The following TRERF1 variants were observed in gnomAD, a reference collection of about 807,000 sequenced individuals.
The protein encoded by TRERF1 is transcriptional-regulating factor 1.
A neutral mutation model predicts 122.9 loss-of-function variants in TRERF1; 27 were observed. The observed-to-expected ratio is 0.22, with a 90% confidence interval of 0.16 to 0.30. The LOEUF (loss-of-function observed/expected upper bound fraction) is 0.30, where lower values mean the gene tolerates loss of function less well. Ranked by LOEUF, TRERF1 falls within the 10% of genes least tolerant of loss-of-function variation. The pLI, the probability that TRERF1 is intolerant of heterozygous loss-of-function variation, is 1.00. For synonymous variants in TRERF1, 636 were observed against 641.7 expected, an observed-to-expected ratio of 0.99 and a Z score of 0.13; for missense variants, 1,248 against 1,560.3, an observed-to-expected ratio of 0.80 and a Z score of 3.37.
chr6:42,265,544 C>T (rs1028190065), intron 6 of TRERF1, among the ~76,000 whole-genome samples: 5 of 152,142 alleles, frequency 3.3e-5, no homozygotes, highest in Admixed American at 6.5e-5. Flanking sequence ...ATAGGCACAT[C>T]GTAATCACAC....
intron 3 of TRERF1, among the ~76,000 whole-genome samples, chr6:42,316,846 T>C (rs1321224240): frequency 1.3e-5 from 2 of 152,164 alleles, no homozygotes; most frequent in Non-Finnish European, 2.9e-5. Context: ...AGCTTGCCTT[T>C]TTATAATCCC....
intron 2 of TRERF1, among the ~76,000 whole-genome samples, chr6:42,363,810 G>A (rs150322447): frequency 8.5e-5 from 13 of 152,258 alleles, no homozygotes; most frequent in Admixed American, 2.6e-4. Flanking sequence ...AAAGGAGCCC[G>A]AAACAGACCC....
chr6:42,257,902 G>A (rs552166977), intron 10 of TRERF1, among the ~76,000 whole-genome samples: 5 of 152,334 alleles, frequency 3.3e-5, no homozygotes, highest in Middle Eastern at 3.4e-3. Context: ...ACGCAGGGAC[G>A]CTAGGCTCTC....
chr6:42,438,000 C>T (rs1192851978), intron 2 of TRERF1, among the ~76,000 whole-genome samples: 1 of 151,988 alleles, frequency 6.6e-6, no homozygotes, highest in African/African-American at 2.4e-5. Context: ...CAGCTCCCTG[C>T]AATCTTCGCC....
At chr6:42,437,003 C>G (rs1785566585) in intron 2 of TRERF1, among the ~76,000 whole-genome samples, 1 of 151,854 alleles carries the variant, frequency 6.6e-6, no homozygotes, top group African/African-American at 2.4e-5. Flanking sequence ...TGAGCCTGAT[C>G]CAGAGACTGC....
exon 18 of TRERF1, chr6:42,226,582 G>C (rs1769558043): frequency 6.6e-6 from 1 of 152,146 alleles, no homozygotes; most frequent in Admixed American, 6.5e-5. Context: ...AAAACGCCAA[G>C]ACCTCTTTGA....
chr6:42,259,837 C>A lies in TRERF1; in HGVS notation c.1885-114G>T. On this transcript the variant is annotated intron_variant, in intron 8 of 17. Transcript: ENST00000372922. This position sits in a 1 kb window ranked among gnomAD's most constrained non-coding sequence, Gnocchi z 4.9. ...CTAAGCAGAGAGCCCTTCTGCTTGA[C>A]CCCCCCACCCCCAACGCCCCCACAT... The A allele has an allele frequency of 2.1e-6, 3 of 1,408,210 alleles. No individual in the cohort carries two copies. Among genetic ancestry groups the A allele is most frequent in the Non-Finnish European group, 2.9e-6 (3 of 1,048,044 alleles). The allele number at this position is 1,408,210 out of a possible 1,614,324, so 87.2% of individuals were successfully genotyped here. A position where few individuals can be genotyped will look rare whatever the true frequency, so the allele number is the denominator to read the frequency against.
At chr6:42,310,264 C>T (rs937035210) in intron 3 of TRERF1, among the ~76,000 whole-genome samples, 7 of 152,086 alleles carry the variant, frequency 4.6e-5, no homozygotes, top group African/African-American at 1.7e-4. Flanking sequence ...CCACCACGCC[C>T]CGGCCTACAC....
exon 15 of TRERF1, chr6:42,243,275 G>A: frequency 6.2e-7 from 1 of 1,614,108 alleles, no homozygotes; most frequent in Non-Finnish European, 8.5e-7. Context: ...TTTCTGCCAG[G>A]CGTGTCCGGT....
intron 4 of TRERF1, among the ~76,000 whole-genome samples, chr6:42,282,437 A>T (rs947360977): frequency 2.0e-5 from 3 of 152,214 alleles, no homozygotes; most frequent in Non-Finnish European, 4.4e-5. Context: ...AGTCCCAGCT[A>T]CTTGGGAAGC....
intron 4 of TRERF1, among the ~76,000 whole-genome samples, chr6:42,292,823 A>G (rs1784523149): frequency 6.6e-6 from 1 of 152,224 alleles, no homozygotes; most frequent in Non-Finnish European, 1.5e-5. Flanking sequence ...TAAAAAAGTT[A>G]GAAGGGGTGG....
At chr6:42,240,128 T>C (rs989950752) in intron 15 of TRERF1, among the ~76,000 whole-genome samples, 2 of 152,240 alleles carry the variant, frequency 1.3e-5, no homozygotes, top group African/African-American at 4.8e-5. Context: ...TCTTTGTTAG[T>C]GTCACTCCTC....
At position 42,269,088 on chromosome 6, in the gene TRERF1, G is replaced by C. The variant is rs763665946; in HGVS notation, c.503C>G (p.Thr168Ser). 5.6e-6 allele frequency: 9 copies of C among 1,614,108 alleles called. No homozygotes were observed. The Admixed American group carries it at 1.3e-4, about 24-fold the overall frequency. ...GGCTCCATCCATCACTGCTGACTGA[G>C]TGTGCAGCACCTGGGCCATATTGTT... is the stretch of plus-strand genomic sequence containing the variant. The change falls in exon 5 of 18, where the codon ACT becomes AGT. Residue 168 changes from threonine to serine, a missense_variant. Physicochemically the swap from Thr to Ser is moderately conservative, Grantham distance 58. Transcript: ENST00000372922. This position sits in a 1 kb window ranked among gnomAD's most constrained non-coding sequence, Gnocchi z 4.9.
chr6:42,236,440 G>A (rs1348828337), intron 15 of TRERF1, 29 bp from the exon 16 acceptor site: 36 of 1,546,088 alleles, frequency 2.3e-5, no homozygotes, highest in Non-Finnish European at 3.1e-5. Flanking sequence ...AAGCAAGAGG[G>A]GAAAATCCCC....
At chr6:42,418,588 C>T (rs1325725683) in intron 2 of TRERF1, among the ~76,000 whole-genome samples, 1 of 152,020 alleles carries the variant, frequency 6.6e-6, no homozygotes, top group Non-Finnish European at 1.5e-5. Context: ...TATTTCTAAA[C>T]AGCTCCCAGG....
intron 15 of TRERF1, among the ~76,000 whole-genome samples, chr6:42,242,123 C>T (rs993210562): frequency 3.9e-5 from 6 of 152,192 alleles, no homozygotes; most frequent in South Asian, 4.1e-4. Context: ...TTGCATCTGA[C>T]TGCTCTTAAC....
rs920722613 is a variant in TRERF1, at chr6:42,259,589, G to C, written c.2019C>G (p.Pro673=). 1.2e-6 allele frequency: 2 copies of C among 1,613,804 alleles called. No homozygotes were observed. Among genetic ancestry groups the C allele is most frequent in the African/African-American group, 1.3e-5 (1 of 74,920 alleles). ...GGGTGGCGCCCGAGTAGGAGGCAGC[G>C]GGGTTCGGGTTGTAGGAGGGCGGCG... The change falls in exon 9 of 18, where the codon CCC becomes CCG. Residue 673 remains proline, a synonymous_variant. Coordinates refer to ENST00000372922, the Ensembl canonical transcript of TRERF1. This position sits in a 1 kb window ranked among gnomAD's most constrained non-coding sequence, Gnocchi z 4.9.
At chr6:42,256,652 G>A in intron 12 of TRERF1, 76 bp downstream of exon 12, 1 of 1,323,348 alleles carries the variant, frequency 7.6e-7, no homozygotes, top group Non-Finnish European at 1.1e-6. Flanking sequence ...TTGGTTGTAT[G>A]GTACATGAGA....
chr6:42,350,567 A>G (rs1283794441), intron 3 of TRERF1, among the ~76,000 whole-genome samples: 1 of 152,202 alleles, frequency 6.6e-6, no homozygotes, highest in Non-Finnish European at 1.5e-5. Context: ...TGGATAACTT[A>G]GACCAGTGCC....
Sources: allele counts gnomAD v4.1 joint callset (sites outside exome capture counted in the v4.1 genomes callset), GRCh38; gene constraint gnomAD v4.1.1; non-coding constraint Gnocchi (gnomAD v3.1); transcripts MANE v1.5; gene names NCBI Gene and HGNC (gene_info 2026-07-23, HGNC 2026-07-21).